The following EPHA6 variants were observed in gnomAD, a reference collection of about 807,000 sequenced individuals.
EPHA6 encodes ephrin type-A receptor 6.
Under a neutral mutation model 112.0 loss-of-function variants are expected in EPHA6, and 50 were observed. The observed-to-expected ratio is 0.45, with a 90% confidence interval of 0.36 to 0.56. The LOEUF (loss-of-function observed/expected upper bound fraction) is 0.56, where lower values mean the gene tolerates loss of function less well. Ranked by LOEUF, EPHA6 falls within the 20% of genes least tolerant of loss-of-function variation. EPHA6 has a pLI of 0.00. For missense variants in EPHA6, 1,280 were observed against 1,417.4 expected, an observed-to-expected ratio of 0.90 and a Z score of 1.56; for synonymous variants, 529 against 490.7, an observed-to-expected ratio of 1.08 and a Z score of -1.03.
intron 3 of EPHA6, among the ~76,000 whole-genome samples, chr3:97,073,088 G>A (rs2046409136): frequency 1.3e-5 from 2 of 152,096 alleles, no homozygotes. Context: ...TCCTTTTTAT[G>A]TCAAGAGACT....
At chr3:97,200,152 C>T (rs1481772163) in intron 3 of EPHA6, among the ~76,000 whole-genome samples, 1 of 152,094 alleles carries the variant, frequency 6.6e-6, no homozygotes, top group Non-Finnish European at 1.5e-5. Flanking sequence ...TGTGAATGGT[C>T]TTAAACTCAG....
intron 6 of EPHA6, among the ~76,000 whole-genome samples, chr3:97,436,745 A>T (rs1055099430): frequency 2.6e-5 from 4 of 152,178 alleles, no homozygotes; most frequent in Non-Finnish European, 5.9e-5. Context: ...TTCTGTTGGA[A>T]ACTCTAGCAA....
At position 97,328,050 on chromosome 3, in the gene EPHA6, T is replaced by C. The variant is rs953324254; in HGVS notation, c.1607-77100T>C. ...ATATGTGTATATATACACACATATA[T>C]ACACATATATATATATATATATATA... On this transcript the variant is annotated intron_variant, in intron 5 of 17. Transcript: ENST00000389672. Among the ~76,000 whole-genome samples, 2 of 69,524 alleles carry C rather than the reference T, an allele frequency of 2.9e-5. 1 individual carries two copies. The highest frequency in any genetic ancestry group is 9.8e-5 in the African/African-American group (2 of 20,502). 45.6% of individuals were successfully genotyped at this position (69,524 alleles called of 152,430 possible).
intron 2 of EPHA6, among the ~76,000 whole-genome samples, chr3:96,919,790 T>C (rs965564347): frequency 6.6e-6 from 1 of 151,874 alleles, no homozygotes; most frequent in Admixed American, 6.6e-5. Context: ...TGTATTTTTT[T>C]CTTTATTTTT....
rs1483772964 is a variant in EPHA6 at position 97,756,507 on chromosome 3, A to C, written c.*7806A>C. Among the ~76,000 whole-genome samples, 1 of 151,948 alleles carries C rather than the reference A, an allele frequency of 6.6e-6. No individual in the cohort carries two copies. Among genetic ancestry groups the C allele is most frequent in the Non-Finnish European group, 1.5e-5 (1 of 67,814 alleles). On this transcript the variant is annotated 3_prime_UTR_variant, in exon 18 of 18. Transcript: ENST00000389672. ...AAATTGCTGCTCTGCATGGAAAGTAAGGTTTAATGTGTATAAATGTTTGTC... is the reference window on the plus strand; with the variant it reads ...AAATTGCTGCTCTGCATGGAAAGTACGGTTTAATGTGTATAAATGTTTGTC...
In EPHA6 at chr3:96,986,988, T is replaced by A. The variant is rs556507688; in HGVS notation, c.451-342T>A. Among the ~76,000 whole-genome samples, 6 of 152,332 alleles carry A rather than the reference T, an allele frequency of 3.9e-5. No individual in the cohort carries two copies. The East Asian group carries it at 1.2e-3, about 29-fold the overall frequency. On this transcript the variant is annotated intron_variant, in intron 2 of 17. Transcript: ENST00000389672. ...AATGTTCTTATAGTATGCCAGGAAC[T>A]ATCTGAAGTGCTGTACATGTATTTA...
rs924661517 is a variant in EPHA6, at chr3:97,244,418, G to C, written c.1606+131G>C. On this transcript the variant is annotated intron_variant, in intron 5 of 17. Coordinates refer to ENST00000389672, the MANE Select transcript of EPHA6 (RefSeq NM_001080448.3). ...TTATACACTGCAGAGGTAATGCACTGGTTGTTGTTCTTGTTCTTTCCTAAA... is the reference window on the plus strand; with the variant it reads ...TTATACACTGCAGAGGTAATGCACTCGTTGTTGTTCTTGTTCTTTCCTAAA... The C allele has an allele frequency of 1.3e-5, 9 of 714,616 alleles. No homozygotes were observed. In the African/African-American group the frequency reaches 1.6e-4, roughly 13 times the overall value. 44.3% of individuals were successfully genotyped at this position (714,616 alleles called of 1,614,324 possible).
chr3:96,972,424 A>AACAC lies in EPHA6; in HGVS notation c.451-14871_451-14868dup, dbSNP rs3070424. On this transcript the variant is annotated intron_variant, in intron 2 of 17. Transcript: ENST00000389672. ...AAGAGATTTCAGAAACACACACACA[A>AACAC]ACACACACACACACACACACACACA... Among the ~76,000 whole-genome samples, 1,448 of 144,816 alleles carry AACAC rather than the reference A, an allele frequency of 1.0e-2. 17 individuals are homozygous for AACAC. The highest frequency in any genetic ancestry group is 0.029 in the African/African-American group (1,168 of 39,846).
intron 2 of EPHA6, among the ~76,000 whole-genome samples, chr3:96,900,974 C>G (rs1225912622): frequency 2.6e-5 from 4 of 152,196 alleles, no homozygotes; most frequent in Non-Finnish European, 5.9e-5. Flanking sequence ...ATTAACCTAA[C>G]AAGCCACATA....
At position 97,350,111 on chromosome 3, in the gene EPHA6, C is replaced by T. The variant is rs553570881; in HGVS notation, c.1607-55039C>T. On this transcript the variant is annotated intron_variant, in intron 5 of 17. Transcript: ENST00000389672. ...CATAGCATTGGAGAAAGAGCTTTGT[C>T]TTGCTCCTTTTCACTCTTCCAGCTT... 7.2e-5 allele frequency among the ~76,000 whole-genome samples: 11 copies of T among 152,022 alleles called. No homozygotes were observed. In the South Asian group the frequency reaches 2.3e-3, roughly 32 times the overall value.
intron 12 of EPHA6, among the ~76,000 whole-genome samples, chr3:97,593,780 C>T (rs919483355): frequency 6.6e-6 from 1 of 152,112 alleles, no homozygotes; most frequent in South Asian, 2.1e-4. Flanking sequence ...TATAAATATG[C>T]TTTGAAGTCA....
intron 3 of EPHA6, among the ~76,000 whole-genome samples, chr3:97,110,401 A>G (rs2047686478): frequency 6.6e-6 from 1 of 152,118 alleles, no homozygotes; most frequent in Admixed American, 6.6e-5. Flanking sequence ...TCATTTTAAA[A>G]ACTATTTTTC....
At chr3:97,543,946 C>A (rs1314846024) in intron 11 of EPHA6, among the ~76,000 whole-genome samples, 1 of 152,114 alleles carries the variant, frequency 6.6e-6, no homozygotes, top group Non-Finnish European at 1.5e-5. Flanking sequence ...GATTTTGTAT[C>A]CTGAGACTTT....
intron 6 of EPHA6, among the ~76,000 whole-genome samples, chr3:97,419,669 C>G (rs1253190027): frequency 1.3e-5 from 2 of 151,760 alleles, no homozygotes; most frequent in African/African-American, 4.8e-5. Flanking sequence ...GAATATAAAA[C>G]AGTAAGTCCA....
At chr3:97,029,031 G>C (rs909868035) in intron 3 of EPHA6, among the ~76,000 whole-genome samples, 1 of 151,416 alleles carries the variant, frequency 6.6e-6, no homozygotes, top group East Asian at 1.9e-4. Flanking sequence ...AAAAACAAAA[G>C]TTAGAACATC....
At chr3:97,428,630 G>A (rs1357154544) in intron 6 of EPHA6, among the ~76,000 whole-genome samples, 1 of 152,074 alleles carries the variant, frequency 6.6e-6, no homozygotes, top group Non-Finnish European at 1.5e-5. Context: ...ATTTAACTGG[G>A]TGTTTTCCAA....
At chr3:97,370,737 C>T (rs963454835) in intron 5 of EPHA6, among the ~76,000 whole-genome samples, 8 of 152,086 alleles carry the variant, frequency 5.3e-5, no homozygotes, top group Non-Finnish European at 1.2e-4. Context: ...CTAATCTGTG[C>T]TAAGCTTTGT....
chr3:97,251,805 G>A (rs1003493315), intron 5 of EPHA6, among the ~76,000 whole-genome samples: 3 of 151,992 alleles, frequency 2.0e-5, no homozygotes, highest in African/African-American at 7.2e-5. Context: ...ATAAAAATGC[G>A]GGACCCTTTG....
rs1485740656 is a variant in EPHA6, at chr3:97,120,183, T to A, written c.1115-106081T>A. ...TCTACTGATTAATCAAATATGAATT[T>A]AGATGCTTCACTTCTTTTTAATTTC... On this transcript the variant is annotated intron_variant, in intron 3 of 17. Coordinates refer to ENST00000389672, the MANE Select transcript of EPHA6 (RefSeq NM_001080448.3). Among the ~76,000 whole-genome samples the A allele has an allele frequency of 2.0e-5, 3 of 152,022 alleles. No homozygotes were observed. In the East Asian group the frequency reaches 5.8e-4, roughly 29 times the overall value.
Sources: gnomAD v4.1 joint callset for allele counts (sites outside exome capture counted in the v4.1 genomes callset) on GRCh38, gnomAD v4.1.1 for gene constraint, MANE v1.5 for transcripts, NCBI Gene and HGNC (gene_info 2026-07-23, HGNC 2026-07-21) for gene names.